The following KCNQ5 variants were observed in gnomAD, a reference collection of about 807,000 sequenced individuals.
The protein encoded by KCNQ5 is potassium voltage-gated channel subfamily Q member 5, also known as potassium voltage-gated channel subfamily KQT member 5.
A neutral mutation model predicts 98.2 loss-of-function variants in KCNQ5; 30 were observed. The observed-to-expected ratio is 0.31, with a 90% CI of 0.23 to 0.41. The LOEUF is 0.41. Among genes scored for constraint, KCNQ5 ranks in the 10% least tolerant of loss-of-function variants. The probability of loss-of-function intolerance (pLI) is 1.00; values close to 1 mark genes in which losing one functional copy is unlikely to be tolerated. For missense variants in KCNQ5, 835 were observed against 1,182.5 expected (o/e 0.71, Z 4.31); for synonymous variants, 458 against 449.4 (o/e 1.02, Z -0.24).
chr6:73,097,602 G>A (rs1203228142), intron 5 of KCNQ5, among the ~76,000 whole-genome samples: 1 of 152,174 alleles, frequency 6.6e-6, no homozygotes, highest in African/African-American at 2.4e-5. Context: ...TGCAGTCTCA[G>A]TGATGGTGGC....
rs551916278 is a variant in KCNQ5, at chr6:72,901,663, T to C, written c.399-102245T>C. On this transcript the variant is annotated intron_variant, in intron 1 of 13. Coordinates refer to ENST00000370398, the MANE Select transcript of KCNQ5 (RefSeq NM_019842.4). ...GTCAAAGATCAGTTAGCTGTAAGTA[T>C]CTGGGTTTATTTCTAGATTCTGTAT... Among the ~76,000 whole-genome samples, 25 of 152,310 alleles carry C rather than the reference T, an allele frequency of 1.6e-4. No individual in the cohort carries two copies. In the East Asian group the frequency reaches 4.2e-3, roughly 26 times the overall value.
intron 3 of KCNQ5, among the ~76,000 whole-genome samples, chr6:73,052,347 T>A (rs144656346): frequency 6.6e-6 from 1 of 152,282 alleles, no homozygotes; most frequent in African/African-American, 2.4e-5. Context: ...TTCCCCCAAC[T>A]TCACTAGAGA....
chr6:73,089,777 A>ATG (rs71810471), intron 5 of KCNQ5, among the ~76,000 whole-genome samples: 14 of 151,286 alleles, frequency 9.3e-5, no homozygotes, highest in Non-Finnish European at 1.5e-4. Flanking sequence ...TCCATCATGT[A>ATG]TATATATATA....
intron 1 of KCNQ5, among the ~76,000 whole-genome samples, chr6:72,948,797 T>A (rs1040041144): frequency 1.2e-4 from 18 of 152,108 alleles, no homozygotes; most frequent in African/African-American, 2.4e-4. Context: ...AGATGAAGAT[T>A]TTACATATGA....
rs58144673 is a variant in KCNQ5 at position 73,131,930 on chromosome 6, C to T, written c.1248-1491C>T. ...GCTGTGTCTGCATTTCAGAGGGGAG[C>T]TGTCAGTTGCATGGTCAACTTGTTT... On this transcript the variant is annotated intron_variant, in intron 9 of 13. Transcript: ENST00000370398. Among the ~76,000 whole-genome samples, 104 of 152,318 alleles carry T rather than the reference C, an allele frequency of 6.8e-4. No homozygotes were observed. The East Asian group carries it at 0.018, about 26-fold the overall frequency.
intron 11 of KCNQ5, among the ~76,000 whole-genome samples, chr6:73,170,708 C>A (rs1179843868): frequency 6.6e-6 from 1 of 151,976 alleles, no homozygotes; most frequent in African/African-American, 2.4e-5. Context: ...CTGAGGGGGG[C>A]AGATCACTTG....
At chr6:72,865,413 G>A (rs745626497) in intron 1 of KCNQ5, among the ~76,000 whole-genome samples, 25 of 152,116 alleles carry the variant, frequency 1.6e-4, no homozygotes, top group Non-Finnish European at 3.4e-4. Flanking sequence ...CATAATTAAA[G>A]GAACTAAGCA....
chr6:72,658,576 A>ATTT (rs1158254933), intron 1 of KCNQ5, among the ~76,000 whole-genome samples: 243 of 92,312 alleles, frequency 2.6e-3, no homozygotes, highest in Non-Finnish European at 4.0e-3. Context: ...ATATATATAT[A>ATTT]TATTTTTTTT....
intron 3 of KCNQ5, among the ~76,000 whole-genome samples, chr6:73,063,808 T>C (rs1213839121): frequency 6.6e-6 from 1 of 152,040 alleles, no homozygotes; most frequent in Non-Finnish European, 1.5e-5. Context: ...TTCAAAATTA[T>C]AATGAATGTC....
intron 5 of KCNQ5, among the ~76,000 whole-genome samples, chr6:73,088,026 T>C (rs1161987255): frequency 6.0e-5 from 9 of 149,626 alleles, no homozygotes; most frequent in African/African-American, 1.5e-4. Context: ...TCTCTCTCTT[T>C]TTTTTTTTTT....
chr6:73,027,803 TAGA>T (rs554967449), intron 2 of KCNQ5, among the ~76,000 whole-genome samples: 46 of 152,314 alleles, frequency 3.0e-4, no homozygotes, highest in Non-Finnish European at 5.3e-4. Flanking sequence ...GGAGTCTGAA[TAGA>T]AGTGATGAAT....
chr6:73,055,726 C>T, intron 3 of KCNQ5: 1 of 1,094,556 alleles, frequency 9.1e-7, no homozygotes, highest in South Asian at 1.2e-5. Flanking sequence ...TGCCAACTGG[C>T]ATTCTCATTG....
chr6:73,163,312 A>G (rs987043157), intron 10 of KCNQ5, among the ~76,000 whole-genome samples: 1 of 152,200 alleles, frequency 6.6e-6, no homozygotes, highest in African/African-American at 2.4e-5. Context: ...GAGGAAGGAT[A>G]ACTTGAGCCC....
intron 2 of KCNQ5, among the ~76,000 whole-genome samples, chr6:73,009,928 T>C (rs1769987326): frequency 6.6e-6 from 1 of 152,174 alleles, no homozygotes; most frequent in Non-Finnish European, 1.5e-5. Flanking sequence ...ATGGCTTCAC[T>C]AGTGAATTCT....
At chr6:72,821,417 T>A (rs1775746072) in intron 1 of KCNQ5, among the ~76,000 whole-genome samples, 1 of 152,174 alleles carries the variant, frequency 6.6e-6, no homozygotes, top group African/African-American at 2.4e-5. Context: ...GCAGCATGCA[T>A]ATAAATAAGA....
At chr6:73,055,251 G>A in intron 3 of KCNQ5, 2 of 1,290,442 alleles carry the variant, frequency 1.5e-6, no homozygotes, top group Admixed American at 3.4e-5. Context: ...TTTGACATCT[G>A]CTTCACCTCA....
chr6:72,847,926 T>G (rs1777085148), intron 1 of KCNQ5, among the ~76,000 whole-genome samples: 1 of 152,044 alleles, frequency 6.6e-6, no homozygotes, highest in South Asian at 2.1e-4. Flanking sequence ...TACATTAAAT[T>G]TACTGGTATA....
chr6:73,131,188 C>A (rs1012741898), intron 9 of KCNQ5, among the ~76,000 whole-genome samples: 8 of 151,986 alleles, frequency 5.3e-5, no homozygotes, highest in Non-Finnish European at 1.0e-4. Context: ...TTATTATAAA[C>A]AAACTATGGT....
At chr6:73,188,633 G>A (rs1264694917) in intron 11 of KCNQ5, among the ~76,000 whole-genome samples, 1 of 152,130 alleles carries the variant, frequency 6.6e-6, no homozygotes, top group Non-Finnish European at 1.5e-5. Context: ...AGCACACAAT[G>A]TCATAGTAGA....
Sources: allele counts gnomAD v4.1 joint callset (sites outside exome capture counted in the v4.1 genomes callset), GRCh38; gene constraint gnomAD v4.1.1; transcripts MANE v1.5; gene names NCBI Gene and HGNC (gene_info 2026-07-23, HGNC 2026-07-21).